PPP3CA: variants seen among roughly 807,000 people sequenced by gnomAD.
PPP3CA encodes the protein protein phosphatase 3 catalytic subunit alpha, also known as CAM-PRP catalytic subunit.
PPP3CA carries 14 observed loss-of-function variants against 66.5 expected under a neutral mutation model. The observed-to-expected ratio is 0.21, with a 90% CI of 0.14 to 0.33. The LOEUF is 0.33. PPP3CA is among the 10% of genes least tolerant of loss of function. The probability of loss-of-function intolerance (pLI) is 1.00; values close to 1 mark genes in which losing one functional copy is unlikely to be tolerated. For synonymous variants in PPP3CA, 232 were observed against 226.2 expected, an observed-to-expected ratio of 1.03 and a Z score of -0.23; for missense variants, 317 against 639.5, an observed-to-expected ratio of 0.50 and a Z score of 5.44.
intron 2 of PPP3CA, among the ~76,000 whole-genome samples, chr4:101,128,219 C>T (rs1722309019): frequency 6.6e-6 from 1 of 152,240 alleles, no homozygotes; most frequent in South Asian, 2.1e-4. Flanking sequence ...TATACCACTA[C>T]AGGATGACTA....
At chr4:101,106,458 A>AGAAAGAAAGAAGAGAAGAGAAGAGAAG (rs1560605216) in intron 3 of PPP3CA, among the ~76,000 whole-genome samples, 11 of 32,676 alleles carry the variant, frequency 3.4e-4, no homozygotes, top group Admixed American at 1.4e-3. Context: ...AGAAAGAGAA[A>AGAAAGAAAGAAGAGAAGAGAAGAGAAG]AGAAAAGAAA....
intron 1 of PPP3CA, among the ~76,000 whole-genome samples, chr4:101,335,807 C>A (rs575593498): frequency 3.0e-4 from 45 of 152,180 alleles, no homozygotes; most frequent in African/African-American, 1.1e-3. Context: ...GCTGGAGGTT[C>A]CATGGAAGAA....
intron 1 of PPP3CA, among the ~76,000 whole-genome samples, chr4:101,304,275 T>G (rs1469796258): frequency 6.6e-6 from 1 of 152,220 alleles, no homozygotes; most frequent in Non-Finnish European, 1.5e-5. Context: ...TTCCTTATAG[T>G]ACTATCTTTG....
intron 1 of PPP3CA, among the ~76,000 whole-genome samples, chr4:101,317,132 C>CA (rs2110317303): frequency 6.6e-6 from 1 of 152,100 alleles, no homozygotes; most frequent in South Asian, 2.1e-4. Flanking sequence ...TCATTTTCCA[C>CA]AATCTATCTG....
chr4:101,346,664 A>C lies in PPP3CA; in HGVS notation c.58+75T>G, dbSNP rs2850327. 0.81 allele frequency: 1,036,680 copies of C among 1,272,066 alleles called. 421,529 individuals are homozygous for C. The highest frequency in any genetic ancestry group is 0.9 in the South Asian group (71,080 of 79,208). The allele number at this position is 1,272,066 out of a possible 1,614,324, so 78.8% of individuals were successfully genotyped here. A position where few individuals can be genotyped will look rare whatever the true frequency, so the allele number is the denominator to read the frequency against. On this transcript the variant is annotated intron_variant, in intron 1 of 13. Transcript: ENST00000394854. ...AGAACCTGGGGCGGGGGAGGGGAGGAAAGGCGAGGCGAGGCAAGCTGCCCT... is the reference window on the plus strand; with the variant it reads ...AGAACCTGGGGCGGGGGAGGGGAGGCAAGGCGAGGCGAGGCAAGCTGCCCT...
At position 101,061,131 on chromosome 4, in the gene PPP3CA, A is replaced by C. The variant is rs1375394757; in HGVS notation, c.1112T>G (p.Ile371Ser). Residue 371 changes from isoleucine to serine, a missense_variant, in exon 10 of 14, where the codon ATC becomes AGC. Coordinates refer to ENST00000394854, the MANE Select transcript of PPP3CA (RefSeq NM_000944.5). The part of the protein sequence containing the change: ...VTEMLVNVLN[I>S]CSDDELGSEE... The stretch of plus-strand genomic sequence containing the variant: ...TGACCCTAGTTCATCATCTGAGCAG[A>C]TGTTGAGGACATTTACCAGCATCTC... The C allele has an allele frequency of 1.2e-6, 2 of 1,612,424 alleles. No homozygotes were observed. The highest frequency in any genetic ancestry group is 1.7e-6 in the Non-Finnish European group (2 of 1,178,834).
intron 13 of PPP3CA, 115 bp from the exon 14 acceptor site, chr4:101,026,176 G>T: frequency 1.2e-6 from 1 of 833,052 alleles, no homozygotes; most frequent in Non-Finnish European, 1.8e-6. Context: ...ATCCTTCAGT[G>T]AAGAACAAAG....
intron 10 of PPP3CA, among the ~76,000 whole-genome samples, chr4:101,046,442 C>T (rs1470791494): frequency 6.6e-6 from 1 of 151,964 alleles, no homozygotes; most frequent in Non-Finnish European, 1.5e-5. Flanking sequence ...ATTTAGGCTT[C>T]TTTCTTTACA....
chr4:101,272,732 C>A (rs1727373442), intron 1 of PPP3CA, among the ~76,000 whole-genome samples: 1 of 152,134 alleles, frequency 6.6e-6, no homozygotes, highest in Non-Finnish European at 1.5e-5. Context: ...GTGCCTGGCA[C>A]AGAGTAAGGA....
At chr4:101,082,826 A>T (rs1228397095) in intron 7 of PPP3CA, among the ~76,000 whole-genome samples, 2 of 152,212 alleles carry the variant, frequency 1.3e-5, no homozygotes, top group Non-Finnish European at 2.9e-5. Context: ...TATAATTCTC[A>T]TTCATATTTT....
At chr4:101,215,870 A>G (rs1407624411) in intron 1 of PPP3CA, among the ~76,000 whole-genome samples, 2 of 152,168 alleles carry the variant, frequency 1.3e-5, no homozygotes, top group Non-Finnish European at 2.9e-5. Context: ...AACGCCATCT[A>G]GCAAAGATTT....
chr4:101,031,889 A>G (rs1445887925), intron 12 of PPP3CA, among the ~76,000 whole-genome samples: 2 of 152,240 alleles, frequency 1.3e-5, no homozygotes, highest in East Asian at 3.8e-4. Context: ...GTGTTATCTC[A>G]TAAATGAAAC....
intron 1 of PPP3CA, among the ~76,000 whole-genome samples, chr4:101,314,279 T>C (rs1728814906): frequency 1.3e-5 from 2 of 152,134 alleles, no homozygotes; most frequent in Admixed American, 1.3e-4. Context: ...AATTATCAAA[T>C]TTCAATTAAG....
intron 2 of PPP3CA, among the ~76,000 whole-genome samples, chr4:101,177,593 A>C (rs906391111): frequency 5.3e-5 from 8 of 152,170 alleles, no homozygotes; most frequent in African/African-American, 1.9e-4. Context: ...TGGAACCAAA[A>C]CAAATGTCAA....
intron 1 of PPP3CA, among the ~76,000 whole-genome samples, chr4:101,209,904 AACAAAT>A (rs1443771862): frequency 6.6e-6 from 1 of 152,170 alleles, no homozygotes; most frequent in African/African-American, 2.4e-5. Context: ...TAGAACACAA[AACAAAT>A]ACAAAGTAAA....
chr4:101,200,637 A>C (rs2110195378), intron 1 of PPP3CA, among the ~76,000 whole-genome samples: 1 of 152,294 alleles, frequency 6.6e-6, no homozygotes. Context: ...TATGCCAGGA[A>C]ACATAAGTAT....
intron 2 of PPP3CA, among the ~76,000 whole-genome samples, chr4:101,148,013 G>A (rs938706629): frequency 1.3e-5 from 2 of 152,070 alleles, no homozygotes; most frequent in African/African-American, 4.8e-5. Flanking sequence ...ACATATTGTA[G>A]ACAATAACAA....
intron 10 of PPP3CA, among the ~76,000 whole-genome samples, chr4:101,058,985 C>G (rs1450788099): frequency 2.0e-5 from 3 of 151,710 alleles, no homozygotes; most frequent in Non-Finnish European, 4.4e-5. Context: ...GTGGACTTTG[C>G]AAAAAACAAA....
At chr4:101,077,762 C>T (rs1030938772) in intron 8 of PPP3CA, among the ~76,000 whole-genome samples, 1 of 151,816 alleles carries the variant, frequency 6.6e-6, no homozygotes, top group African/African-American at 2.4e-5. Flanking sequence ...CTGATCTACC[C>T]CAAAGGCAAG....
Sources: gnomAD v4.1 joint callset for allele counts (sites outside exome capture counted in the v4.1 genomes callset) on GRCh38, gnomAD v4.1.1 for gene constraint, MANE v1.5 for transcripts, NCBI Gene and HGNC (gene_info 2026-07-23, HGNC 2026-07-21) for gene names.